SHISA6: variants seen among roughly 807,000 people sequenced by gnomAD.
SHISA6 encodes protein shisa-6.
A neutral mutation model predicts 47.9 loss-of-function variants in SHISA6; 22 were observed. The observed-to-expected ratio is 0.46, with a 90% CI of 0.33 to 0.66. SHISA6 has a LOEUF of 0.66. Ranked by LOEUF, SHISA6 falls within the 30% of genes least tolerant of loss-of-function variation. The pLI is 0.02. For synonymous variants in SHISA6, 388 were observed against 337.8 expected (o/e 1.15, Z -1.63); for missense variants, 680 against 764.6 (o/e 0.89, Z 1.30).
chr17:11,386,300 G>A (rs1041788726), intron 3 of SHISA6, among the ~76,000 whole-genome samples: 3 of 152,196 alleles, frequency 2.0e-5, no homozygotes, highest in South Asian at 4.1e-4. Context: ...ACTTGAACTC[G>A]GGAGGTGGAA....
chr17:11,419,580 TA>T, intron 3 of SHISA6, among the ~76,000 whole-genome samples: 1 of 152,304 alleles, frequency 6.6e-6, no homozygotes, highest in African/African-American at 2.4e-5. Flanking sequence ...GTGTGGCTCT[TA>T]AAAACAGCAT....
At chr17:11,425,224 C>T (rs1447822293) in intron 3 of SHISA6, among the ~76,000 whole-genome samples, 1 of 151,634 alleles carries the variant, frequency 6.6e-6, no homozygotes, top group African/African-American at 2.4e-5. Flanking sequence ...ACATGGTAAG[C>T]TCTTGAGGGT....
rs922855304 is a variant in SHISA6 at position 11,263,407 on chromosome 17, T to C, written c.680T>C (p.Ile227Thr). 1.1e-4 allele frequency: 164 copies of C among 1,551,920 alleles called. No individual in the cohort carries two copies. Among genetic ancestry groups the C allele is most frequent in the Non-Finnish European group, 1.4e-4 (158 of 1,147,088 alleles). ...DILRQQGPIPIAHCERETISA... is the reference protein window; with the variant it reads ...DILRQQGPIPTAHCERETISA... ...TTAAGACAACAGGGACCAATCCCCA[T>C]AGCACACTGTGAAAGAGAAACTATC... Residue 227 changes from isoleucine to threonine, a missense_variant, in exon 2 of 6, where the codon ATA (isoleucine) becomes ACA (threonine). By Grantham distance (89) the Ile-to-Thr change is moderately conservative. Coordinates refer to ENST00000441885, the MANE Select transcript of SHISA6 (RefSeq NM_207386.4).
chr17:11,258,429 A>G (rs1281572585), intron 1 of SHISA6, among the ~76,000 whole-genome samples: 2 of 152,224 alleles, frequency 1.3e-5, no homozygotes, highest in Admixed American at 6.5e-5. Flanking sequence ...AAGAATTACC[A>G]GGTGAACTAA....
intron 3 of SHISA6, among the ~76,000 whole-genome samples, chr17:11,413,709 G>A (rs1914201781): frequency 6.6e-6 from 1 of 152,174 alleles, no homozygotes; most frequent in Non-Finnish European, 1.5e-5. Flanking sequence ...CCAAGCCCAA[G>A]TGTTCCAGCC....
chr17:11,517,889 A>G (rs142523527), intron 3 of SHISA6, among the ~76,000 whole-genome samples: 16 of 151,910 alleles, frequency 1.1e-4, no homozygotes, highest in African/African-American at 3.9e-4. Context: ...ACCTCCATCA[A>G]TGGCCACTCA....
chr17:11,512,897 T>G (rs540919398), intron 3 of SHISA6, among the ~76,000 whole-genome samples: 1 of 152,124 alleles, frequency 6.6e-6, no homozygotes, highest in Non-Finnish European at 1.5e-5. Flanking sequence ...CATCTACTAT[T>G]GTTGAACACA....
chr17:11,532,249 G>A (rs1460322805), intron 3 of SHISA6, among the ~76,000 whole-genome samples: 1 of 152,160 alleles, frequency 6.6e-6, no homozygotes, highest in Non-Finnish European at 1.5e-5. Flanking sequence ...CTTCCCTAGG[G>A]GACAGCAGGC....
intron 2 of SHISA6, among the ~76,000 whole-genome samples, chr17:11,369,802 G>T (rs1315069391): frequency 6.6e-6 from 1 of 152,174 alleles, no homozygotes; most frequent in African/African-American, 2.4e-5. Flanking sequence ...TAAGCTCTGG[G>T]CATCTTTCCA....
intron 3 of SHISA6, among the ~76,000 whole-genome samples, chr17:11,452,165 G>A (rs1915417272): frequency 6.6e-6 from 1 of 152,236 alleles, no homozygotes; most frequent in Admixed American, 6.5e-5. Context: ...GATAGGGCCA[G>A]CTTGCAAGAG....
At chr17:11,313,809 C>G (rs566720151) in intron 2 of SHISA6, among the ~76,000 whole-genome samples, 1 of 152,098 alleles carries the variant, frequency 6.6e-6, no homozygotes, top group Admixed American at 6.5e-5. Flanking sequence ...AGTCAAGAGC[C>G]TGGTGATGCT....
In SHISA6 at chr17:11,286,505, C is replaced by T. The variant is rs867305403; in HGVS notation, c.799+22979C>T. ...CCTGTAGTTCTTGGCTTGTACCTCT[C>T]GGTTGCACTCCCACTCATTCTGCCC... On this transcript the variant is annotated intron_variant, in intron 2 of 5. Coordinates refer to ENST00000441885, the MANE Select transcript of SHISA6 (RefSeq NM_207386.4). 2.6e-4 allele frequency among the ~76,000 whole-genome samples: 40 copies of T among 152,200 alleles called. 1 individual carries two copies. In the South Asian group the frequency reaches 4.2e-3, roughly 16 times the overall value.
intron 1 of SHISA6, among the ~76,000 whole-genome samples, chr17:11,251,833 C>G (rs949351918): frequency 9.2e-5 from 14 of 152,126 alleles, no homozygotes; most frequent in African/African-American, 3.4e-4. Flanking sequence ...AGGAAGGAAT[C>G]CTGGGACACT....
At chr17:11,247,039 C>T (rs781419335) in intron 1 of SHISA6, among the ~76,000 whole-genome samples, 3 of 152,138 alleles carry the variant, frequency 2.0e-5, no homozygotes, top group Admixed American at 1.3e-4. Context: ...TTCTGGGAAT[C>T]GACTGCTAAG....
intron 3 of SHISA6, among the ~76,000 whole-genome samples, chr17:11,517,139 C>A (rs779800223): frequency 4.5e-4 from 68 of 152,254 alleles, no homozygotes; most frequent in Non-Finnish European, 9.0e-4. Flanking sequence ...TTAGAAGTTT[C>A]GTTTTCCAAG....
chr17:11,430,965 G>A (rs983802586), intron 3 of SHISA6, among the ~76,000 whole-genome samples: 4 of 152,212 alleles, frequency 2.6e-5, no homozygotes, highest in African/African-American at 7.2e-5. Flanking sequence ...GAGCCTTTGT[G>A]GCTGGAATGG....
intron 3 of SHISA6, among the ~76,000 whole-genome samples, chr17:11,433,544 CATGTGTGTGTTCA>C (rs1914849838): frequency 6.6e-6 from 1 of 151,458 alleles, no homozygotes; most frequent in Non-Finnish European, 1.5e-5. Flanking sequence ...AATAAACATA[CATGTGTGTGTTCA>C]ACCATTGTGG....
chr17:11,359,411 A>G (rs1029414327), intron 2 of SHISA6, among the ~76,000 whole-genome samples: 1 of 152,182 alleles, frequency 6.6e-6, no homozygotes, highest in Non-Finnish European at 1.5e-5. Flanking sequence ...AATACATCTC[A>G]TGGCTGCAGA....
In SHISA6 at chr17:11,314,585, G is replaced by C. The variant is rs180718318; in HGVS notation, c.799+51059G>C. 2.3e-3 allele frequency among the ~76,000 whole-genome samples: 337 copies of C among 148,206 alleles called. 2 individuals are homozygous for C. Among genetic ancestry groups the C allele is most frequent in the African/African-American group, 7.9e-3 (320 of 40,306 alleles). The stretch of plus-strand genomic sequence containing the variant: ...AGTCCCGCTCTTGTTCCCCAGGCTC[G>C]AGTACAATGGCACAGTCTCGGCTCA... On this transcript the variant is annotated intron_variant, in intron 2 of 5. Transcript: ENST00000441885.
Sources: gnomAD v4.1 joint callset for allele counts (sites outside exome capture counted in the v4.1 genomes callset) on GRCh38, gnomAD v4.1.1 for gene constraint, MANE v1.5 for transcripts, NCBI Gene and HGNC (gene_info 2026-07-23, HGNC 2026-07-21) for gene names.